The following ARHGAP18 variants were observed in gnomAD, a reference collection of about 807,000 sequenced individuals.
ARHGAP18 encodes Rho GTPase activating protein 18.
In ARHGAP18, 67 loss-of-function variants were observed where a neutral mutation model predicts 86.2. That is an observed-to-expected ratio of 0.78 (90% confidence interval 0.64 to 0.95). ARHGAP18 has a LOEUF of 0.95. ARHGAP18 is among the 40% of genes least tolerant of loss of function. The pLI is 0.00. For synonymous variants in ARHGAP18, 283 were observed against 280.4 expected (o/e 1.01, Z -0.09); for missense variants, 691 against 780.4 (o/e 0.89, Z 1.37).
chr6:129,627,900 T>C (rs1271036684), intron 5 of ARHGAP18, among the ~76,000 whole-genome samples: 2 of 151,926 alleles, frequency 1.3e-5, no homozygotes, highest in African/African-American at 4.8e-5. Context: ...TGGTTAGGAG[T>C]TTTAAAATCC....
At chr6:129,649,491 T>G (rs1584088017) in intron 1 of ARHGAP18, among the ~76,000 whole-genome samples, 1 of 145,958 alleles carries the variant, frequency 6.9e-6, no homozygotes, top group African/African-American at 2.6e-5. Context: ...GAGGCAGAGG[T>G]TGCAGTGAGC....
intron 1 of ARHGAP18, among the ~76,000 whole-genome samples, chr6:129,694,985 A>G (rs917872840): frequency 9.2e-5 from 14 of 152,212 alleles, no homozygotes; most frequent in Admixed American, 7.2e-4. Flanking sequence ...AAAATTAACA[A>G]CTGCGACTAT....
chr6:129,609,432 A>C (rs1405412716), intron 8 of ARHGAP18, among the ~76,000 whole-genome samples: 2 of 152,128 alleles, frequency 1.3e-5, no homozygotes, highest in Admixed American at 6.5e-5. Flanking sequence ...AATCTGCATT[A>C]TATTCACTAT....
intron 1 of ARHGAP18, among the ~76,000 whole-genome samples, chr6:129,670,023 C>T (rs944711398): frequency 6.6e-6 from 1 of 152,202 alleles, no homozygotes; most frequent in Non-Finnish European, 1.5e-5. Flanking sequence ...GAAATTACAT[C>T]AACTTTGTAT....
intron 1 of ARHGAP18, among the ~76,000 whole-genome samples, chr6:129,652,113 G>T (rs1008956189): frequency 4.6e-5 from 7 of 152,202 alleles, no homozygotes; most frequent in Admixed American, 4.6e-4. Context: ...ATGGCATTTT[G>T]TTACAACAGC....
At chr6:129,676,297 C>T (rs956769315) in intron 1 of ARHGAP18, among the ~76,000 whole-genome samples, 1 of 152,164 alleles carries the variant, frequency 6.6e-6, no homozygotes. Context: ...TTTCTAACCA[C>T]CCACAAAGGT....
intron 10 of ARHGAP18, among the ~76,000 whole-genome samples, chr6:129,603,715 G>A (rs1315519219): frequency 6.6e-6 from 1 of 152,148 alleles, no homozygotes; most frequent in Non-Finnish European, 1.5e-5. Flanking sequence ...CTTAAAATCA[G>A]TCTTCACTAT....
intron 13 of ARHGAP18, among the ~76,000 whole-genome samples, chr6:129,582,611 T>A (rs1239361207): frequency 1.3e-5 from 2 of 152,150 alleles, no homozygotes; most frequent in Non-Finnish European, 2.9e-5. Context: ...AGCAAAGACA[T>A]CTGAGATCTT....
chr6:129,596,585 T>C (rs1004862080), intron 12 of ARHGAP18, among the ~76,000 whole-genome samples: 1 of 152,214 alleles, frequency 6.6e-6, no homozygotes, highest in Admixed American at 6.5e-5. Flanking sequence ...GATCTTTGTA[T>C]GTTTTGTCCA....
At chr6:129,624,553 C>G (rs1053417655) in intron 5 of ARHGAP18, among the ~76,000 whole-genome samples, 1 of 151,846 alleles carries the variant, frequency 6.6e-6, no homozygotes, top group Non-Finnish European at 1.5e-5. Flanking sequence ...AAAAACCATA[C>G]TTTTCCTGAG....
At chr6:129,629,545 C>A in intron 4 of ARHGAP18, 23 bp from the exon 5 acceptor site, 1 of 1,585,012 alleles carries the variant, frequency 6.3e-7, no homozygotes, top group Non-Finnish European at 8.5e-7. Context: ...GGGGAAAGAA[C>A]CCAATTCATA....
chr6:129,583,890 C>CAA (rs113008374), intron 13 of ARHGAP18, 98 bp downstream of exon 13: 1,084 of 1,205,370 alleles, frequency 9.0e-4, no homozygotes, highest in South Asian at 1.2e-3. Flanking sequence ...ACAATTAAAA[C>CAA]AAAAAAAAAA....
intron 1 of ARHGAP18, among the ~76,000 whole-genome samples, chr6:129,643,942 T>C (rs1773523519): frequency 6.6e-6 from 1 of 152,250 alleles, no homozygotes; most frequent in Non-Finnish European, 1.5e-5. Flanking sequence ...ATAAATGCAG[T>C]ATAACTGAGC....
At chr6:129,637,806 G>T (rs1773365503) in intron 3 of ARHGAP18, among the ~76,000 whole-genome samples, 1 of 152,184 alleles carries the variant, frequency 6.6e-6, no homozygotes, top group Non-Finnish European at 1.5e-5. Context: ...CTCTGAATGT[G>T]CTGTGATTCT....
chr6:129,610,817 C>A (rs920773967), intron 8 of ARHGAP18, among the ~76,000 whole-genome samples: 1 of 152,092 alleles, frequency 6.6e-6, no homozygotes, highest in South Asian at 2.1e-4. Flanking sequence ...TTAGTAGAGA[C>A]AGTGTTTCAC....
At chr6:129,638,692 G>T in intron 2 of ARHGAP18, 63 bp from the exon 3 acceptor site, 2 of 1,462,536 alleles carry the variant, frequency 1.4e-6, no homozygotes, top group Non-Finnish European at 1.9e-6. Context: ...CATTTTTTAA[G>T]CTGTTAAAAA....
At chr6:129,614,748 ATTTTTTTTT>A (rs10556070) in intron 7 of ARHGAP18, among the ~76,000 whole-genome samples, 25 of 131,564 alleles carry the variant, frequency 1.9e-4, no homozygotes, top group Admixed American at 1.8e-3. Context: ...GCAGTGACAG[ATTTTTTTTT>A]TTTTTTTTTT....
At chr6:129,691,633 C>T (rs955364262) in intron 1 of ARHGAP18, among the ~76,000 whole-genome samples, 1 of 151,932 alleles carries the variant, frequency 6.6e-6, no homozygotes, top group Non-Finnish European at 1.5e-5. Context: ...TAAAAGTATA[C>T]CTAAACAAGT....
At chr6:129,649,517 G>A (rs982807574) in intron 1 of ARHGAP18, among the ~76,000 whole-genome samples, 6 of 127,934 alleles carry the variant, frequency 4.7e-5, no homozygotes, top group African/African-American at 1.8e-4. Flanking sequence ...TCATGCCACT[G>A]CACTCCAGCC....
Sources: allele counts gnomAD v4.1 joint callset (sites outside exome capture counted in the v4.1 genomes callset), GRCh38; gene constraint gnomAD v4.1.1; transcripts MANE v1.5; gene names NCBI Gene and HGNC (gene_info 2026-07-23, HGNC 2026-07-21).